Variants in DOCK4 observed in about 807,000 individuals in gnomAD.
The protein encoded by DOCK4 is dedicator of cytokinesis 4.
In DOCK4, 97 loss-of-function variants were observed where a neutral mutation model predicts 268.1. The ratio of observed to expected loss-of-function variants is 0.36; its 90% CI spans 0.31 to 0.43. DOCK4 has a LOEUF of 0.43. DOCK4 is among the 20% of genes least tolerant of loss of function. DOCK4 has a pLI of 1.00. For synonymous variants in DOCK4, 954 were observed against 887.2 expected (o/e 1.08, Z -1.34); for missense variants, 2,145 against 2,455.7 (o/e 0.87, Z 2.67).
intron 1 of DOCK4, among the ~76,000 whole-genome samples, chr7:112,071,664 G>C (rs1401910141): frequency 6.6e-6 from 1 of 152,178 alleles, no homozygotes; most frequent in Non-Finnish European, 1.5e-5. Flanking sequence ...AGAAATACAA[G>C]TATAATCCTT....
Position 112,099,988 on chromosome 7 carries a change from C to G in DOCK4, c.38-95857G>C, listed in dbSNP as rs562921953. 5.9e-5 allele frequency among the ~76,000 whole-genome samples: 9 copies of G among 152,248 alleles called. No individual in the cohort carries two copies. In the South Asian group the frequency reaches 6.2e-4, roughly 11 times the overall value. On this transcript the variant is annotated intron_variant, in intron 1 of 52. Coordinates refer to ENST00000428084, the MANE Select transcript of DOCK4 (RefSeq NM_001363540.2). ...GAACTCACAAATAGTATTTTATCCT[C>G]TTAATGTTCTAGGTTATTATAATTT...
intron 42 of DOCK4, among the ~76,000 whole-genome samples, chr7:111,752,578 GTTTTTTTTTTTTT>G (rs56037303): frequency 0.012 from 1,010 of 82,288 alleles, 25 homozygotes; most frequent in Non-Finnish European, 0.015. Flanking sequence ...ATCAGCTTAG[GTTTTTTTTTTTTT>G]TTTTTTTTTT....
At chr7:111,828,402 G>A (rs1259892926) in intron 26 of DOCK4, among the ~76,000 whole-genome samples, 1 of 152,152 alleles carries the variant, frequency 6.6e-6, no homozygotes, top group African/African-American at 2.4e-5. Flanking sequence ...GAATGGAGTT[G>A]AAAGACCTTT....
intron 23 of DOCK4, among the ~76,000 whole-genome samples, chr7:111,852,014 A>T (rs969634538): frequency 7.6e-6 from 1 of 132,096 alleles, no homozygotes; most frequent in African/African-American, 3.0e-5. Flanking sequence ...TCCAGGCTGG[A>T]GTGCAATGGC....
At chr7:111,896,768 A>G (rs1808794144) in intron 15 of DOCK4, among the ~76,000 whole-genome samples, 1 of 152,168 alleles carries the variant, frequency 6.6e-6, no homozygotes, top group Non-Finnish European at 1.5e-5. Context: ...CCAGGCATTT[A>G]AGCACAGGGA....
At chr7:111,728,802 G>A (rs1321243279) in intron 52 of DOCK4, 82 bp from the exon 53 acceptor site, 4 of 1,365,232 alleles carry the variant, frequency 2.9e-6, no homozygotes, top group East Asian at 5.0e-5. Context: ...GCCCCGACGC[G>A]GAGGCCCCGG....
intron 1 of DOCK4, among the ~76,000 whole-genome samples, chr7:112,135,210 A>C (rs1033289987): frequency 6.6e-6 from 1 of 152,188 alleles, no homozygotes. Flanking sequence ...TCAAGTAAAT[A>C]TGATTAAGGC....
chr7:111,994,463 G>A (rs933921452), intron 4 of DOCK4, among the ~76,000 whole-genome samples: 1 of 152,166 alleles, frequency 6.6e-6, no homozygotes, highest in Admixed American at 6.5e-5. Context: ...GCGTGGTGAA[G>A]AAGGAACAGC....
intron 42 of DOCK4, among the ~76,000 whole-genome samples, chr7:111,752,689 C>T (rs1467753741): frequency 2.1e-5 from 3 of 145,660 alleles, no homozygotes; most frequent in African/African-American, 5.1e-5. Flanking sequence ...CCGGTTCAAG[C>T]GATTCTCCTG....
rs193057364 is a variant in DOCK4, at chr7:112,049,957, A to G, written c.38-45826T>C. 3.4e-3 allele frequency among the ~76,000 whole-genome samples: 514 copies of G among 152,318 alleles called. 4 individuals are homozygous for G. Among genetic ancestry groups the G allele is most frequent in the African/African-American group, 0.012 (479 of 41,582 alleles). ...CTACTGATTTTGTGACCCAGGGCAC[A>G]TGGATATAATCCTTTGGAGTTTCAT... On this transcript the variant is annotated intron_variant, in intron 1 of 52. Coordinates refer to ENST00000428084, the MANE Select transcript of DOCK4 (RefSeq NM_001363540.2).
intron 30 of DOCK4, among the ~76,000 whole-genome samples, chr7:111,791,005 C>T (rs562974676): frequency 2.1e-5 from 3 of 145,642 alleles, no homozygotes; most frequent in Non-Finnish European, 4.5e-5. Flanking sequence ...TTGCAGTGAG[C>T]CAAGATCGTG....
chr7:112,020,683 A>AG (rs1802238044), intron 1 of DOCK4, among the ~76,000 whole-genome samples: 1 of 98,298 alleles, frequency 1.0e-5, no homozygotes, highest in Non-Finnish European at 2.2e-5. Flanking sequence ...GTACCCTAAA[A>AG]GTAAAAAAAA....
chr7:111,918,731 T>C (rs946405156), intron 12 of DOCK4, among the ~76,000 whole-genome samples: 1 of 152,208 alleles, frequency 6.6e-6, no homozygotes, highest in African/African-American at 2.4e-5. Flanking sequence ...GATCTGGTAT[T>C]TGTGGAATAC....
chr7:111,858,341 T>G (rs1469541114), intron 23 of DOCK4, among the ~76,000 whole-genome samples: 1 of 152,236 alleles, frequency 6.6e-6, no homozygotes, highest in Non-Finnish European at 1.5e-5. Context: ...TTAATTTTAA[T>G]GTGTCAACTT....
intron 37 of DOCK4, 117 bp downstream of exon 37, chr7:111,769,412 T>G (rs1797974043): frequency 7.7e-7 from 1 of 1,302,268 alleles, no homozygotes; most frequent in Non-Finnish European, 1.1e-6. Flanking sequence ...CTAATATACA[T>G]TAAGATGTGA....
At chr7:112,183,241 T>G (rs1238420339) in intron 1 of DOCK4, among the ~76,000 whole-genome samples, 1 of 152,140 alleles carries the variant, frequency 6.6e-6, no homozygotes, top group African/African-American at 2.4e-5. Flanking sequence ...AGGCCATAAC[T>G]ACCTCTTAAT....
chr7:111,805,970 T>C (rs1188449634), intron 30 of DOCK4, among the ~76,000 whole-genome samples: 1 of 152,238 alleles, frequency 6.6e-6, no homozygotes, highest in Admixed American at 6.5e-5. Context: ...TGATGTTGTC[T>C]TTGTCAAGCT....
intron 13 of DOCK4, among the ~76,000 whole-genome samples, chr7:111,906,798 G>A (rs907284563): frequency 2.0e-5 from 3 of 152,166 alleles, no homozygotes; most frequent in Non-Finnish European, 4.4e-5. Flanking sequence ...ATGAGCCAAG[G>A]AGTGCAGGCA....
chr7:111,826,622 T>C (rs189283649), intron 26 of DOCK4, among the ~76,000 whole-genome samples: 12 of 152,152 alleles, frequency 7.9e-5, no homozygotes, highest in South Asian at 4.2e-4. Context: ...CTAAGTGAAT[T>C]AACATGGAAA....
Sources: allele counts gnomAD v4.1 joint callset (sites outside exome capture counted in the v4.1 genomes callset), GRCh38; gene constraint gnomAD v4.1.1; transcripts MANE v1.5; gene names NCBI Gene and HGNC (gene_info 2026-07-23, HGNC 2026-07-21).